The following MSH3 variants were observed in gnomAD, a reference collection of about 807,000 sequenced individuals.
MSH3 encodes the protein mutS homolog 3, also known as DNA mismatch repair protein Msh3.
Under a neutral mutation model 123.3 loss-of-function variants are expected in MSH3, and 106 were observed. The observed-to-expected ratio is 0.86, with a 90% confidence interval of 0.73 to 1.01. The LOEUF is 1.01. Among genes scored for constraint, MSH3 ranks in the 50% least tolerant of loss-of-function variants. The probability of loss-of-function intolerance (pLI) is 0.00; values close to 1 mark genes in which losing one functional copy is unlikely to be tolerated. For missense variants in MSH3, 1,459 were observed against 1,347.6 expected (o/e 1.08, Z -1.29); for synonymous variants, 515 against 481.4 (o/e 1.07, Z -0.91).
chr5:80,740,326 T>C (rs904145210), intron 10 of MSH3, among the ~76,000 whole-genome samples: 1 of 152,048 alleles, frequency 6.6e-6, no homozygotes, highest in African/African-American at 2.4e-5. Context: ...CCCACTAAAT[T>C]TGGCCATGGT....
intron 8 of MSH3, among the ~76,000 whole-genome samples, chr5:80,694,495 G>A (rs1034845379): frequency 1.2e-4 from 18 of 152,008 alleles, no homozygotes; most frequent in Admixed American, 2.6e-4. Context: ...TTTAGAAAGC[G>A]TTATAATTTT....
At chr5:80,812,565 G>A (rs946421241) in intron 19 of MSH3, among the ~76,000 whole-genome samples, 2 of 145,914 alleles carry the variant, frequency 1.4e-5, no homozygotes, top group Non-Finnish European at 1.5e-5. Context: ...TGCTAGCTAG[G>A]CCCATTGGCT....
intron 8 of MSH3, among the ~76,000 whole-genome samples, chr5:80,679,957 A>G (rs1342541516): frequency 6.6e-6 from 1 of 152,128 alleles, no homozygotes; most frequent in African/African-American, 2.4e-5. Context: ...TGTAGTAGGT[A>G]GACAAATCAT....
chr5:80,682,458 GCTTGTAAT>G (rs909415191), intron 8 of MSH3, among the ~76,000 whole-genome samples: 1 of 151,950 alleles, frequency 6.6e-6, no homozygotes, highest in African/African-American at 2.4e-5. Context: ...AGTGGCTTAT[GCTTGTAAT>G]CCCAGCAGTT....
rs2112812283 is a variant in MSH3 at position 80,670,212 on chromosome 5, T to C, written c.695T>C (p.Leu232Pro). ...CGGTCCAAAAGCATCTATACGCCGCTAGAATTACAATACATAGAAATGAAG... is the reference window on the plus strand; with the variant it reads ...CGGTCCAAAAGCATCTATACGCCGCCAGAATTACAATACATAGAAATGAAG... ...NKRSKSIYTPLELQYIEMKQQ... is the reference protein window; with the variant it reads ...NKRSKSIYTPPELQYIEMKQQ... The change falls in exon 4 of 24, where the codon CTA becomes CCA. Residue 232 changes from leucine (L) to proline (P), a missense_variant. By Grantham distance (98) the Leu-to-Pro change is moderately conservative (BLOSUM62 -3). Transcript: ENST00000265081. 1.2e-6 allele frequency: 2 copies of C among 1,614,180 alleles called. No homozygotes were observed. The highest frequency in any genetic ancestry group is 1.7e-6 in the Non-Finnish European group (2 of 1,180,012).
chr5:80,840,480 C>A (rs1431675535), intron 20 of MSH3, among the ~76,000 whole-genome samples: 3 of 151,890 alleles, frequency 2.0e-5, no homozygotes, highest in Non-Finnish European at 2.9e-5. Flanking sequence ...GTGGCATAAT[C>A]TCAGCTCACT....
chr5:80,860,969 T>C (rs990299617), intron 21 of MSH3, among the ~76,000 whole-genome samples: 1 of 152,210 alleles, frequency 6.6e-6, no homozygotes, highest in African/African-American at 2.4e-5. Flanking sequence ...TCAAACACAT[T>C]CTTCATTTCC....
At chr5:80,865,042 T>A in intron 22 of MSH3, 100 bp downstream of exon 22, 1 of 1,168,188 alleles carries the variant, frequency 8.6e-7, no homozygotes, top group Non-Finnish European at 1.3e-6. Flanking sequence ...TAATGAAAGC[T>A]GTGAATGTGA....
At chr5:80,731,945 C>T (rs1743419507) in intron 10 of MSH3, among the ~76,000 whole-genome samples, 1 of 152,050 alleles carries the variant, frequency 6.6e-6, no homozygotes, top group Non-Finnish European at 1.5e-5. Context: ...CTTTCACAAA[C>T]GTTGCTGCAT....
At chr5:80,739,422 G>A (rs146527416) in intron 10 of MSH3, among the ~76,000 whole-genome samples, 7 of 152,276 alleles carry the variant, frequency 4.6e-5, no homozygotes, top group Non-Finnish European at 1.0e-4. Context: ...GTGATTCAAA[G>A]GGAAAAATAT....
chr5:80,657,834 C>T (rs1364380480), intron 2 of MSH3, among the ~76,000 whole-genome samples: 1 of 149,894 alleles, frequency 6.7e-6, no homozygotes, highest in East Asian at 2.1e-4. Context: ...CTTCACCTTT[C>T]TGGAGGGGTC....
In MSH3 at chr5:80,725,579, C is replaced by T. The variant is rs1317360620; in HGVS notation, c.1453+14C>T. 1.3e-6 allele frequency: 2 copies of T among 1,555,398 alleles called. No individual in the cohort carries two copies. The highest frequency in any genetic ancestry group is 3.3e-5 in the Admixed American group (2 of 59,922). ...TTGACATCAAAGGTAAATATTTTCC[C>T]TGTATGTCCTCAAGTTGAACTGATT... is the stretch of plus-strand genomic sequence containing the variant. On this transcript the variant is annotated intron_variant, in intron 9 of 23. Coordinates refer to ENST00000265081, the MANE Select transcript of MSH3 (RefSeq NM_002439.5).
intron 20 of MSH3, among the ~76,000 whole-genome samples, chr5:80,833,799 C>T (rs1196915630): frequency 6.6e-6 from 1 of 152,166 alleles, no homozygotes; most frequent in Non-Finnish European, 1.5e-5. Context: ...AGGCGTGAGC[C>T]ACTGCGCCCA....
At chr5:80,821,339 A>G (rs887364559) in intron 20 of MSH3, among the ~76,000 whole-genome samples, 1 of 152,210 alleles carries the variant, frequency 6.6e-6, no homozygotes, top group Non-Finnish European at 1.5e-5. Context: ...TCCATTGTGT[A>G]TTCCCTGCCC....
Position 80,678,827 on chromosome 5 carries a change from T to C in MSH3, c.1174-100T>C, listed in dbSNP as rs836807. On this transcript the variant is annotated intron_variant, in intron 7 of 23. Coordinates refer to ENST00000265081, the MANE Select transcript of MSH3 (RefSeq NM_002439.5). The stretch of plus-strand genomic sequence containing the variant: ...TAGAAATAGAGTACATACATACTCC[T>C]GAGTGTATCATCTTTACTTTTTCCA... The C allele has an allele frequency of 1, 1,315,866 of 1,318,152 alleles. 656,794 individuals carry two copies. Among genetic ancestry groups the C allele is most frequent in the Middle Eastern group, 1 (4,048 of 4,048 alleles). The allele number at this position is 1,318,152 out of a possible 1,614,324, so 81.7% of individuals were successfully genotyped here.
chr5:80,672,928 G>A (rs1224836289), intron 6 of MSH3, 70 bp downstream of exon 6: 1 of 1,260,942 alleles, frequency 7.9e-7, no homozygotes, highest in Non-Finnish European at 1.2e-6. Flanking sequence ...TTGTTTGTTT[G>A]TTTGTTTGTT....
Position 80,860,446 on chromosome 5 carries a change from T to G in MSH3, c.3001-4367T>G, listed in dbSNP as rs575009988. Among the ~76,000 whole-genome samples, 9 of 151,330 alleles carry G rather than the reference T, an allele frequency of 5.9e-5. No individual in the cohort carries two copies. In the South Asian group the frequency reaches 1.0e-3, roughly 18 times the overall value. ...TTCTAGGTTGGAGAGGTTTGTTGTT[T>G]TTTTTTTTTTTTCCTCTCAAAACTT... On this transcript the variant is annotated intron_variant, in intron 21 of 23. Transcript: ENST00000265081.
chr5:80,674,957 AATT>A, intron 6 of MSH3, 23 bp from the exon 7 acceptor site: 10 of 1,488,702 alleles, frequency 6.7e-6, no homozygotes, highest in Non-Finnish European at 9.2e-6. Context: ...TTTAGCATAT[AATT>A]ATTTTTCTTT....
chr5:80,869,366 T>TA (rs1224453746), intron 22 of MSH3, among the ~76,000 whole-genome samples: 19 of 152,300 alleles, frequency 1.2e-4, no homozygotes, highest in Non-Finnish European at 2.4e-4. Flanking sequence ...TGTAAGTAGT[T>TA]ACATCCTCAT....
Sources: gnomAD v4.1 joint callset for allele counts (sites outside exome capture counted in the v4.1 genomes callset) on GRCh38, gnomAD v4.1.1 for gene constraint, MANE v1.5 for transcripts, NCBI Gene and HGNC (gene_info 2026-07-23, HGNC 2026-07-21) for gene names.